Variants in CXorf58 observed in about 807,000 individuals in gnomAD.
CXorf58 encodes uncharacterized protein CXorf58.
A neutral mutation model predicts 26.0 loss-of-function variants in CXorf58; 24 were observed. The observed-to-expected ratio is 0.92, with a 90% confidence interval of 0.67 to 1.30. The LOEUF is 1.30. Among genes scored for constraint, CXorf58 ranks in the 50% most tolerant of loss-of-function variants. The pLI is 0.00. For missense variants in CXorf58, 236 were observed against 263.9 expected (o/e 0.89, Z 0.73); for synonymous variants, 87 against 86.1 (o/e 1.01, Z -0.06).
rs1347053829 is a variant in CXorf58 at position 23,915,760 on chromosome X, A to G, written c.277A>G (p.Lys93Glu). 8.5e-7 allele frequency: 1 copy of G among 1,176,507 alleles called. No individual in the cohort carries two copies. Among genetic ancestry groups the G allele is most frequent in the East Asian group, 3.0e-5 (1 of 33,698 alleles). Residue 93 changes from lysine (K) to glutamate (E), a missense_variant, in exon 4 of 9, where the codon AAG (lysine) becomes GAG (glutamate). By Grantham distance (56) the Lys-to-Glu change is moderately conservative. Coordinates refer to ENST00000379211, the MANE Select transcript of CXorf58 (RefSeq NM_152761.3). The part of the protein sequence containing the change: ...KVAPLEAKLI[K>E]DPTMQCKIRF... ...GGCCCCCTTAGAGGCTAAGCTTATTAAGGATCCTACTATGCAGTGTAAAAT... is the reference window on the plus strand; with the variant it reads ...GGCCCCCTTAGAGGCTAAGCTTATTGAGGATCCTACTATGCAGTGTAAAAT...
intron 6 of CXorf58, among the ~76,000 whole-genome samples, chrX:23,930,526 A>G (rs1326313478): frequency 9.5e-6 from 1 of 105,544 alleles, no homozygotes; most frequent in Non-Finnish European, 1.9e-5. Flanking sequence ...GGTCCCAGCT[A>G]CTCAGGAGAC....
At chrX:23,923,066 G>T (rs765509061) in intron 5 of CXorf58, among the ~76,000 whole-genome samples, 3 of 112,360 alleles carry the variant, frequency 2.7e-5, no homozygotes, top group Non-Finnish European at 5.6e-5. Flanking sequence ...TTTTGCCCTT[G>T]CTTTTCTCCT....
chrX:23,936,714 AT>A (rs762029663), intron 7 of CXorf58, among the ~76,000 whole-genome samples: 15 of 111,530 alleles, frequency 1.3e-4, no homozygotes, highest in Middle Eastern at 9.3e-3. Context: ...CATGCTGGGG[AT>A]TTTTTTTCAG....
At chrX:23,913,550 T>C (rs1927638401) in intron 3 of CXorf58, among the ~76,000 whole-genome samples, 1 of 111,365 alleles carries the variant, frequency 9.0e-6, no homozygotes, top group African/African-American at 3.3e-5. Flanking sequence ...GTCTGAGCAA[T>C]GTATACACCG....
intron 5 of CXorf58, among the ~76,000 whole-genome samples, chrX:23,924,398 T>C (rs1927950204): frequency 1.8e-5 from 2 of 109,772 alleles, no homozygotes; most frequent in African/African-American, 6.6e-5. Context: ...CTCGGCTCAG[T>C]GCAACCTCCA....
chrX:23,929,884 A>G (rs1468138545), intron 6 of CXorf58, among the ~76,000 whole-genome samples: 1 of 111,399 alleles, frequency 9.0e-6, no homozygotes, highest in Non-Finnish European at 1.9e-5. Context: ...CATTCTGAAA[A>G]TTTTAGGGCC....
intron 5 of CXorf58, among the ~76,000 whole-genome samples, chrX:23,917,204 G>A (rs769600625): frequency 1.9e-5 from 2 of 103,905 alleles, no homozygotes; most frequent in East Asian, 3.3e-4. Flanking sequence ...GCGTAGTGGT[G>A]CATGCCTGTA....
chrX:23,910,760 C>CTTTTTTTTTTTTTTTTTTTTTTTT (rs779387168), intron 2 of CXorf58, among the ~76,000 whole-genome samples: 1 of 51,449 alleles, frequency 1.9e-5, no homozygotes, highest in Non-Finnish European at 3.3e-5. Context: ...TTTTTCCTTT[C>CTTTTTTTTTTTTTTTTTTTTTTTT]TTTTTTTTTT....
rs1927588681 is a variant in CXorf58 at position 23,911,854 on chromosome X, G to T, written c.214G>T (p.Ala72Ser). The T allele has an allele frequency of 2.6e-6, 3 of 1,167,340 alleles. No homozygotes were observed. The highest frequency in any genetic ancestry group is 3.5e-6 in the Non-Finnish European group (3 of 859,922). ...ACTCCTAAAACACGCAATTTGTGCA[G>T]CGGTATGTATTTTGCTTATTTTTTT... The part of the protein sequence containing the change: ...FRLLKHAICA[A>S]EFYVTHEILK... Residue 72 changes from alanine (A) to serine (S), a missense_variant and splice_region_variant, in exon 3 of 9, where the codon GCG becomes TCG. By Grantham distance (99) the Ala-to-Ser change is moderately conservative. Coordinates refer to ENST00000379211, the MANE Select transcript of CXorf58 (RefSeq NM_152761.3).
At chrX:23,928,241 C>T (rs951624572) in intron 6 of CXorf58, among the ~76,000 whole-genome samples, 1 of 109,679 alleles carries the variant, frequency 9.1e-6, no homozygotes. Context: ...AGTGCAATGG[C>T]GCAATCTCAG....
intron 1 of CXorf58, among the ~76,000 whole-genome samples, chrX:23,910,035 A>G (rs1927531669): frequency 1.8e-5 from 2 of 111,902 alleles, no homozygotes; most frequent in Admixed American, 1.9e-4. Context: ...GAAGATGAAT[A>G]AGAGGAGAAA....
intron 6 of CXorf58, among the ~76,000 whole-genome samples, chrX:23,931,542 A>T (rs1405215128): frequency 8.9e-6 from 1 of 112,430 alleles, no homozygotes; most frequent in Non-Finnish European, 1.9e-5. Flanking sequence ...CAGATCTATG[A>T]TATTTACCCA....
Position 23,916,432 on chromosome X carries a change from A to G in CXorf58, c.423+104A>G, listed in dbSNP as rs928534289. 12 of 484,966 alleles carry G rather than the reference A, an allele frequency of 2.5e-5. No individual in the cohort carries two copies. In the African/African-American group the frequency reaches 2.9e-4, roughly 12 times the overall value. The allele number at this position is 484,966 out of a possible 1,213,427, so 40.0% of individuals were successfully genotyped here. On this transcript the variant is annotated intron_variant, in intron 5 of 8. Transcript: ENST00000379211. The stretch of plus-strand genomic sequence containing the variant: ...ACAGAATAAGTTATTTCACCATGAA[A>G]CAGCCCACCAGGTAGGTAGTGTGTT...
intron 3 of CXorf58, among the ~76,000 whole-genome samples, chrX:23,915,244 A>AT (rs1215435390): frequency 8.9e-6 from 1 of 112,355 alleles, no homozygotes; most frequent in Non-Finnish European, 1.9e-5. Flanking sequence ...CTTAAAAGCT[A>AT]GTAACTTATT....
chrX:23,937,971 C>T (rs755751554), intron 7 of CXorf58, among the ~76,000 whole-genome samples: 59 of 108,887 alleles, frequency 5.4e-4, no homozygotes, highest in African/African-American at 1.9e-3. Context: ...CTGCAAAGTC[C>T]GCCTCCTGGG....
At chrX:23,910,760 C>CTT (rs779387168) in intron 2 of CXorf58, among the ~76,000 whole-genome samples, 2,614 of 51,363 alleles carry the variant, frequency 0.051, 263 homozygotes, top group African/African-American at 0.16. Flanking sequence ...TTTTTCCTTT[C>CTT]TTTTTTTTTT....
intron 4 of CXorf58, 49 bp downstream of exon 4, chrX:23,915,843 G>T (rs770920057): frequency 1.4e-6 from 1 of 689,750 alleles, no homozygotes; most frequent in Non-Finnish European, 2.2e-6. Context: ...GTTAATATGA[G>T]GAAATCTTAG....
intron 6 of CXorf58, 52 bp from the exon 7 acceptor site, chrX:23,935,144 G>A: frequency 1.0e-6 from 1 of 979,450 alleles, no homozygotes; most frequent in Non-Finnish European, 1.4e-6. Context: ...GGGATTATAG[G>A]TATGAGCCAC....
chrX:23,915,633 T>C, intron 3 of CXorf58, 67 bp from the exon 4 acceptor site: 1 of 650,705 alleles, frequency 1.5e-6, no homozygotes, highest in Non-Finnish European at 2.5e-6. Flanking sequence ...GTTGCCTCTG[T>C]TATAGTCCAT....
Sources: allele counts gnomAD v4.1 joint callset (sites outside exome capture counted in the v4.1 genomes callset), GRCh38; gene constraint gnomAD v4.1.1; transcripts MANE v1.5; gene names NCBI Gene and HGNC (gene_info 2026-07-23, HGNC 2026-07-21).